KIAA1958: variants seen among roughly 807,000 people sequenced by gnomAD.
KIAA1958 encodes the protein uncharacterized protein KIAA1958.
A neutral mutation model predicts 47.2 loss-of-function variants in KIAA1958; 14 were observed. The observed-to-expected ratio is 0.30, with a 90% CI of 0.20 to 0.46. The LOEUF (loss-of-function observed/expected upper bound fraction) is 0.46, where lower values mean the gene tolerates loss of function less well. Among genes scored for constraint, KIAA1958 ranks in the 20% least tolerant of loss-of-function variants. The pLI, the probability that KIAA1958 is intolerant of heterozygous loss-of-function variation, is 1.00. For synonymous variants in KIAA1958, 354 were observed against 353.3 expected (o/e 1.00, Z -0.02); for missense variants, 803 against 909.2 (o/e 0.88, Z 1.50).
intron 1 of KIAA1958, among the ~76,000 whole-genome samples, chr9:112,496,645 A>T (rs570988705): frequency 4.6e-5 from 7 of 152,218 alleles, no homozygotes; most frequent in African/African-American, 1.4e-4. Flanking sequence ...TCCTCTGGGT[A>T]TCTCTTTCCT....
chr9:112,533,423 G>GAA (rs34640912), intron 1 of KIAA1958, among the ~76,000 whole-genome samples: 64 of 145,246 alleles, frequency 4.4e-4, no homozygotes, highest in South Asian at 6.7e-4. Flanking sequence ...AAAATACAAA[G>GAA]AAAAAAAAAA....
At chr9:112,511,222 G>C (rs1322215436) in intron 1 of KIAA1958, among the ~76,000 whole-genome samples, 1 of 152,184 alleles carries the variant, frequency 6.6e-6, no homozygotes, top group Non-Finnish European at 1.5e-5. Flanking sequence ...AGTATCATCT[G>C]AGAATGTGTT....
chr9:112,590,941 C>G (rs750348039), intron 2 of KIAA1958, among the ~76,000 whole-genome samples: 2 of 152,088 alleles, frequency 1.3e-5, no homozygotes, highest in Non-Finnish European at 2.9e-5. Flanking sequence ...AGCCTTTGGG[C>G]TTTGTGCATT....
intron 2 of KIAA1958, among the ~76,000 whole-genome samples, chr9:112,594,139 A>G (rs1443418802): frequency 6.6e-6 from 1 of 152,180 alleles, no homozygotes; most frequent in Non-Finnish European, 1.5e-5. Context: ...TGCTGGGATT[A>G]CAGATGTGAA....
intron 2 of KIAA1958, among the ~76,000 whole-genome samples, chr9:112,639,362 C>G (rs1836858384): frequency 6.6e-6 from 1 of 152,180 alleles, no homozygotes; most frequent in South Asian, 2.1e-4. Flanking sequence ...TAATGCCCTG[C>G]ACTGGGCCAT....
At chr9:112,654,839 C>G (rs939972173) in intron 3 of KIAA1958, among the ~76,000 whole-genome samples, 2 of 152,200 alleles carry the variant, frequency 1.3e-5, no homozygotes, top group African/African-American at 2.4e-5. Flanking sequence ...AGCTTTTCAG[C>G]TGAATCTCTT....
intron 1 of KIAA1958, among the ~76,000 whole-genome samples, chr9:112,554,792 T>G (rs747988321): frequency 2.0e-5 from 3 of 152,096 alleles, no homozygotes; most frequent in Non-Finnish European, 4.4e-5. Flanking sequence ...GGCAGTTTCA[T>G]TGCACAGCCT....
chr9:112,519,785 A>G (rs1834506645), intron 1 of KIAA1958, among the ~76,000 whole-genome samples: 1 of 152,228 alleles, frequency 6.6e-6, no homozygotes, highest in South Asian at 2.1e-4. Context: ...GTTCAAAGAC[A>G]TTTTTGTACC....
intron 1 of KIAA1958, among the ~76,000 whole-genome samples, chr9:112,548,922 T>C (rs1268738642): frequency 6.6e-6 from 1 of 152,192 alleles, no homozygotes; most frequent in Non-Finnish European, 1.5e-5. Flanking sequence ...GGGAAGACCA[T>C]GTGAAGACAC....
intron 3 of KIAA1958, among the ~76,000 whole-genome samples, chr9:112,647,692 C>T (rs1159516861): frequency 6.6e-6 from 1 of 152,090 alleles, no homozygotes; most frequent in African/African-American, 2.4e-5. Context: ...CCTAGAAAAC[C>T]AGACACAACA....
intron 1 of KIAA1958, among the ~76,000 whole-genome samples, chr9:112,550,708 A>G (rs1835126293): frequency 6.6e-6 from 1 of 152,224 alleles, no homozygotes; most frequent in Non-Finnish European, 1.5e-5. Context: ...ATGACAAAAC[A>G]TGTGAAGTAT....
At chr9:112,557,256 C>G (rs968023476) in intron 1 of KIAA1958, among the ~76,000 whole-genome samples, 1 of 152,110 alleles carries the variant, frequency 6.6e-6, no homozygotes, top group Non-Finnish European at 1.5e-5. Context: ...ACACCCAGCC[C>G]CATTCAGTGT....
chr9:112,647,896 G>A (rs577970585), intron 3 of KIAA1958, among the ~76,000 whole-genome samples: 2 of 152,242 alleles, frequency 1.3e-5, no homozygotes, highest in Non-Finnish European at 2.9e-5. Flanking sequence ...TCACAGTTTA[G>A]AAAGGCTGAG....
chr9:112,611,531 A>T (rs901285284), intron 2 of KIAA1958, among the ~76,000 whole-genome samples: 9 of 144,668 alleles, frequency 6.2e-5, no homozygotes, highest in African/African-American at 2.1e-4. Context: ...TTTAAGATTT[A>T]AAAAAAAAAA....
intron 1 of KIAA1958, among the ~76,000 whole-genome samples, chr9:112,509,077 A>C (rs1270430655): frequency 7.5e-6 from 1 of 133,280 alleles, no homozygotes; most frequent in African/African-American, 2.5e-5. Context: ...CAATGTAGAT[A>C]CATTTAATGT....
chr9:112,487,852 CAAG>C (rs759378064), intron 1 of KIAA1958, among the ~76,000 whole-genome samples: 24 of 29,928 alleles, frequency 8.0e-4, no homozygotes, highest in African/African-American at 2.5e-3. Flanking sequence ...TTGGTTCCTT[CAAG>C]TCTTTTTTTT....
intron 1 of KIAA1958, among the ~76,000 whole-genome samples, chr9:112,502,201 T>C (rs1403301383): frequency 6.6e-6 from 1 of 152,258 alleles, no homozygotes; most frequent in East Asian, 1.9e-4. Context: ...TTACAAAAGA[T>C]GAACATATCA....
At chr9:112,502,906 C>A (rs1834168251) in intron 1 of KIAA1958, among the ~76,000 whole-genome samples, 1 of 152,164 alleles carries the variant, frequency 6.6e-6, no homozygotes, top group Non-Finnish European at 1.5e-5. Flanking sequence ...TGGCTAAATC[C>A]TTGATAAAAC....
At chr9:112,552,516 T>G (rs1265798066) in intron 1 of KIAA1958, among the ~76,000 whole-genome samples, 1 of 152,248 alleles carries the variant, frequency 6.6e-6, no homozygotes, top group Admixed American at 6.5e-5. Context: ...GCAGTCACTC[T>G]TCACTTGAGA....
Sources: allele counts gnomAD v4.1 joint callset (sites outside exome capture counted in the v4.1 genomes callset), GRCh38; gene constraint gnomAD v4.1.1; transcripts MANE v1.5; gene names NCBI Gene and HGNC (gene_info 2026-07-23, HGNC 2026-07-21).